ECE1: variants seen among roughly 807,000 people sequenced by gnomAD.
ECE1 encodes endothelin-converting enzyme 1.
Under a neutral mutation model 98.6 loss-of-function variants are expected in ECE1, and 35 were observed. The observed-to-expected ratio is 0.35, with a 90% CI of 0.27 to 0.47. The LOEUF is 0.47. Ranked by LOEUF, ECE1 falls within the 20% of genes least tolerant of loss-of-function variation. The pLI is 1.00. For missense variants in ECE1, 814 were observed against 1,025.3 expected (o/e 0.79, Z 2.81); for synonymous variants, 394 against 407.1 (o/e 0.97, Z 0.39).
At chr1:21,248,682 T>C (rs1200538530) in intron 8 of ECE1, among the ~76,000 whole-genome samples, 1 of 151,842 alleles carries the variant, frequency 6.6e-6, no homozygotes, top group East Asian at 1.9e-4. Context: ...TCTAGTGCAG[T>C]GGCGTGATCT....
rs1243911347 is a variant in ECE1, at chr1:21,233,129, T to C, written c.1670+429A>G. Reference sequence around the variant, plus strand: ...CACCATTCGTGGTAGTGAGGAACAATGGGAAAGCTGCTCTTGCTGGGGCCT... The same window carrying C: ...CACCATTCGTGGTAGTGAGGAACAACGGGAAAGCTGCTCTTGCTGGGGCCT... On this transcript the variant is annotated intron_variant, in intron 14 of 18. Coordinates refer to ENST00000374893, the MANE Select transcript of ECE1 (RefSeq NM_001397.3). This position sits in a 1 kb window ranked among gnomAD's most constrained non-coding sequence, Gnocchi z 4.0. 1 of 186,706 alleles carries C rather than the reference T, an allele frequency of 5.4e-6. No individual in the cohort carries two copies. The highest frequency in any genetic ancestry group is 1.1e-5 in the Non-Finnish European group (1 of 87,762). The allele number at this position is 186,706 out of a possible 1,614,324, so 11.6% of individuals were successfully genotyped here. A position where few individuals can be genotyped will look rare whatever the true frequency, so the allele number is the denominator to read the frequency against.
Position 21,235,747 on chromosome 1 carries a change from A to G in ECE1, c.1566+103T>C, listed in dbSNP as rs3026898. 0.032 allele frequency: 37,806 copies of G among 1,194,796 alleles called. 770 individuals are homozygous for G. The highest frequency in any genetic ancestry group is 0.035 in the Non-Finnish European group (28,335 of 799,586). 74.0% of individuals were successfully genotyped at this position (1,194,796 alleles called of 1,614,324 possible). A position where few individuals can be genotyped will look rare whatever the true frequency, so the allele number is the denominator to read the frequency against. The stretch of plus-strand genomic sequence containing the variant: ...CACCACATCATCCCTGTGTGTTTTG[A>G]CAACCATGCTGCCTCTAGCACCCCA... On this transcript the variant is annotated intron_variant, in intron 13 of 18. Transcript: ENST00000374893. The surrounding 1 kb of genome is among the most constrained non-coding windows in gnomAD (Gnocchi z 4.2).
intron 1 of ECE1, among the ~76,000 whole-genome samples, chr1:21,312,804 A>T (rs941107719): frequency 5.3e-5 from 8 of 151,456 alleles, no homozygotes; most frequent in African/African-American, 1.9e-4. Flanking sequence ...AAGTGATATG[A>T]CCTCCCTGTG....
At position 21,258,312 on chromosome 1, in the gene ECE1, G is replaced by C. The variant is rs1419608719; in HGVS notation, c.762+381C>G. On this transcript the variant is annotated intron_variant, in intron 6 of 18. Transcript: ENST00000374893. This position sits in a 1 kb window ranked among gnomAD's most constrained non-coding sequence, Gnocchi z 4.2. ...ACCAGTGCTGGAGCTCCCCTGGGCAGGCTGAGCCTCTGTCTGGGGCATGCT... is the reference window on the plus strand; with the variant it reads ...ACCAGTGCTGGAGCTCCCCTGGGCACGCTGAGCCTCTGTCTGGGGCATGCT... 6.6e-6 allele frequency among the ~76,000 whole-genome samples: 1 copy of C among 152,208 alleles called. No homozygotes were observed. The highest frequency in any genetic ancestry group is 1.5e-5 in the Non-Finnish European group (1 of 68,048).
At chr1:21,281,141 GA>G (rs1381298217) in intron 2 of ECE1, among the ~76,000 whole-genome samples, 1 of 152,194 alleles carries the variant, frequency 6.6e-6, no homozygotes, top group East Asian at 1.9e-4. Context: ...AGTGAGCTGA[GA>G]TTGCGCCACT....
chr1:21,239,777 T>C (rs541636479), intron 10 of ECE1, among the ~76,000 whole-genome samples: 1 of 152,012 alleles, frequency 6.6e-6, no homozygotes, highest in African/African-American at 2.4e-5. Flanking sequence ...TTATACATTT[T>C]TTTCTTTCTT....
intron 2 of ECE1, chr1:21,279,691 C>T: frequency 1.4e-6 from 2 of 1,384,298 alleles, no homozygotes. Flanking sequence ...CAGTGAGTAC[C>T]CAGCTGGGCT....
chr1:21,281,000 C>T (rs2103342369), intron 2 of ECE1, among the ~76,000 whole-genome samples: 1 of 152,242 alleles, frequency 6.6e-6, no homozygotes, highest in South Asian at 2.1e-4. Flanking sequence ...ACCAGCCTGG[C>T]CAACATAGAG....
intron 18 of ECE1, among the ~76,000 whole-genome samples, chr1:21,221,428 G>A (rs1051710022): frequency 2.6e-5 from 4 of 152,034 alleles, no homozygotes; most frequent in African/African-American, 9.7e-5. Flanking sequence ...TGCCTCGGCC[G>A]CCCAAAGTGC....
chr1:21,304,484 G>A (rs1320650081), intron 1 of ECE1, among the ~76,000 whole-genome samples: 3 of 152,084 alleles, frequency 2.0e-5, no homozygotes, highest in Non-Finnish European at 2.9e-5. Context: ...GCCCCAGGGT[G>A]AGCTGCCAAT....
At chr1:21,244,617 A>G (rs2098200746) in intron 10 of ECE1, among the ~76,000 whole-genome samples, 1 of 152,158 alleles carries the variant, frequency 6.6e-6, no homozygotes, top group Non-Finnish European at 1.5e-5. Flanking sequence ...GAGGAAAATA[A>G]TAACACTGAA....
chr1:21,253,491 G>A (rs972245222), intron 8 of ECE1, among the ~76,000 whole-genome samples: 7 of 152,092 alleles, frequency 4.6e-5, no homozygotes, highest in African/African-American at 7.2e-5. Flanking sequence ...GGCCGGGCGC[G>A]GTGGCTCACG....
Position 21,318,623 on chromosome 1 carries a change from G to A in ECE1, c.3+26753C>T, listed in dbSNP as rs555581631. On this transcript the variant is annotated intron_variant, in intron 1 of 18. Coordinates refer to the ECE1 transcript ENST00000415912. ...CCCATTTTTTGAAGATTTAGAACCAGTGAGCCTTCCTGAGGCCCACTTCAC... is the reference window on the plus strand; with the variant it reads ...CCCATTTTTTGAAGATTTAGAACCAATGAGCCTTCCTGAGGCCCACTTCAC... 5.9e-5 allele frequency among the ~76,000 whole-genome samples: 9 copies of A among 152,132 alleles called. No individual in the cohort carries two copies. The East Asian group carries it at 1.6e-3, about 26-fold the overall frequency.
chr1:21,229,260 T>A (rs1024145124), intron 14 of ECE1, among the ~76,000 whole-genome samples: 2 of 151,854 alleles, frequency 1.3e-5, no homozygotes, highest in Non-Finnish European at 2.9e-5. Flanking sequence ...CATGGCTCCC[T>A]ACAGCCTCAA....
At chr1:21,277,533 G>C (rs2098248946) in intron 3 of ECE1, among the ~76,000 whole-genome samples, 1 of 152,156 alleles carries the variant, frequency 6.6e-6, no homozygotes, top group Admixed American at 6.5e-5. Flanking sequence ...GGCAGGAGAG[G>C]ATGACGAGCT....
At chr1:21,311,828 A>T (rs185522493) in intron 1 of ECE1, among the ~76,000 whole-genome samples, 145 of 151,726 alleles carry the variant, frequency 9.6e-4, no homozygotes, top group South Asian at 3.5e-3. Context: ...AAATTTTTTT[A>T]AATTTAAAAA....
chr1:21,232,673 ATTT>A (rs57168698), intron 14 of ECE1, among the ~76,000 whole-genome samples: 2 of 136,606 alleles, frequency 1.5e-5, no homozygotes, highest in Non-Finnish European at 1.6e-5. Context: ...AGGAAGCTGT[ATTT>A]TTTTTTTTTT....
At position 21,279,240 on chromosome 1, in the gene ECE1, C is replaced by A. The variant is rs761609813; in HGVS notation, c.231G>T (p.Ala77=). Residue 77 remains alanine, a synonymous_variant, in exon 3 of 19, where the codon GCG becomes GCT. Transcript: ENST00000374893. ...CTGCCAAGCAGGCCACCAGTCCTGC[C>A]GCCAGAAGTACCACCAACACCACCA... ...KRLVVLVVLL[A]AGLVACLAAL... The A allele has an allele frequency of 3.7e-6, 6 of 1,614,068 alleles. No individual in the cohort carries two copies. The highest frequency in any genetic ancestry group is 1.3e-5 in the African/African-American group (1 of 74,932).
intron 10 of ECE1, among the ~76,000 whole-genome samples, chr1:21,238,732 A>G (rs1446626340): frequency 6.6e-6 from 1 of 152,188 alleles, no homozygotes; most frequent in Non-Finnish European, 1.5e-5. Flanking sequence ...AGTCACAGAA[A>G]AAACTGCCCC....
Sources: gnomAD v4.1 joint callset for allele counts (sites outside exome capture counted in the v4.1 genomes callset) on GRCh38, gnomAD v4.1.1 for gene constraint, Gnocchi (gnomAD v3.1) non-coding constraint, MANE v1.5 for transcripts, NCBI Gene and HGNC (gene_info 2026-07-23, HGNC 2026-07-21) for gene names.